MMP17: variants seen among roughly 807,000 people sequenced by gnomAD.
MMP17 encodes the protein matrix metallopeptidase 17.
MMP17 carries 54 observed loss-of-function variants against 49.1 expected under a neutral mutation model. The ratio of observed to expected loss-of-function variants is 1.10; its 90% CI spans 0.88 to 1.38. MMP17 has a LOEUF of 1.38. Ranked by LOEUF, MMP17 falls within the 40% of genes most tolerant of loss-of-function variation. The probability of loss-of-function intolerance (pLI) is 0.00; values close to 1 mark genes in which losing one functional copy is unlikely to be tolerated. For synonymous variants in MMP17, 397 were observed against 383.1 expected (o/e 1.04, Z -0.42); for missense variants, 837 against 853.7 (o/e 0.98, Z 0.24).
chr12:131,848,551 C>T (rs886165158), intron 8 of MMP17, among the ~76,000 whole-genome samples: 68 of 152,366 alleles, frequency 4.5e-4, no homozygotes, highest in Admixed American at 4.3e-3. Context: ...AACGCTGCCC[C>T]GTGAAACACG....
At position 131,840,460 on chromosome 12, in the gene MMP17, G is replaced by A. The variant is rs2136324065; in HGVS notation, c.423-113G>A. 7 of 1,138,716 alleles carry A rather than the reference G, an allele frequency of 6.1e-6. No homozygotes were observed. The South Asian group carries it at 7.7e-5, about 12-fold the overall frequency. 70.5% of individuals were successfully genotyped at this position (1,138,716 alleles called of 1,614,324 possible). ...GGCGTGGGGAGGAAGGCGGAAGATG[G>A]GGGAGACCCTCATAGGGGCACCCCC... On this transcript the variant is annotated intron_variant, in intron 3 of 9. Coordinates refer to ENST00000360564, the MANE Select transcript of MMP17 (RefSeq NM_016155.7).
chr12:131,844,948 G>C, intron 6 of MMP17, 170 bp from the exon 7 acceptor site: 1 of 428,660 alleles, frequency 2.3e-6, no homozygotes, highest in South Asian at 8.2e-5. Flanking sequence ...CTGAAGCGGT[G>C]GACAGGCACC....
intron 1 of MMP17, among the ~76,000 whole-genome samples, chr12:131,836,909 C>A (rs1328453078): frequency 2.0e-5 from 3 of 152,152 alleles, no homozygotes; most frequent in African/African-American, 4.8e-5. Context: ...CCAGGCCTGC[C>A]ATCCCCAGGT....
chr12:131,837,005 G>A (rs11611807), intron 1 of MMP17, among the ~76,000 whole-genome samples: 25,802 of 152,164 alleles, frequency 0.17, 2,720 homozygotes, highest in African/African-American at 0.3. Context: ...GATGACTGGG[G>A]CATGGGGCCA....
chr12:131,850,849 C>T (rs1347034459), intron 9 of MMP17, 76 bp from the exon 10 acceptor site: 1 of 1,188,550 alleles, frequency 8.4e-7, no homozygotes, highest in Non-Finnish European at 1.1e-6. Flanking sequence ...GAGCCCAACG[C>T]TCCCTCCTCG....
intron 1 of MMP17, among the ~76,000 whole-genome samples, chr12:131,837,660 G>A (rs1208711002): frequency 6.6e-6 from 1 of 152,254 alleles, no homozygotes; most frequent in Non-Finnish European, 1.5e-5. Flanking sequence ...ATGAGTGGTT[G>A]TACAGGTCGT....
At chr12:131,847,278 T>TG (rs1887757447) in intron 8 of MMP17, among the ~76,000 whole-genome samples, 1 of 151,706 alleles carries the variant, frequency 6.6e-6, no homozygotes, top group Admixed American at 6.6e-5. Flanking sequence ...CCGGGCGTGG[T>TG]GGCGGGCACC....
At chr12:131,850,876 C>G in intron 9 of MMP17, 49 bp from the exon 10 acceptor site, 3 of 1,381,390 alleles carry the variant, frequency 2.2e-6, no homozygotes, top group Non-Finnish European at 2.9e-6. Flanking sequence ...GGCTCGAGCC[C>G]CTCCTGCTGC....
intron 1 of MMP17, among the ~76,000 whole-genome samples, chr12:131,836,536 T>A (rs1412540187): frequency 6.6e-6 from 1 of 151,898 alleles, no homozygotes; most frequent in Non-Finnish European, 1.5e-5. Flanking sequence ...TGCATTTTTT[T>A]AGGTTAAGCC....
intron 1 of MMP17, among the ~76,000 whole-genome samples, chr12:131,834,858 G>C (rs1361018437): frequency 1.3e-5 from 2 of 152,138 alleles, no homozygotes; most frequent in African/African-American, 4.8e-5. Flanking sequence ...GAGCTGCCTG[G>C]TGAGCTGCCT....
chr12:131,831,173 G>C (rs1886775195), intron 1 of MMP17, among the ~76,000 whole-genome samples: 1 of 152,236 alleles, frequency 6.6e-6, no homozygotes, highest in Non-Finnish European at 1.5e-5. Context: ...GAACTTCCCG[G>C]ACTCGCGGCG....
chr12:131,849,002 G>A (rs1173111669), intron 8 of MMP17, among the ~76,000 whole-genome samples: 2 of 152,182 alleles, frequency 1.3e-5, no homozygotes, highest in Admixed American at 6.5e-5. Context: ...CTCCCGCAGC[G>A]GCTGCACAAT....
Position 131,838,721 on chromosome 12 carries a change from CAA to C in MMP17, c.403_404del (p.Lys135GlufsTer60). 32 of 1,590,042 alleles carry C rather than the reference CAA, an allele frequency of 2.0e-5. No homozygotes were observed. The highest frequency in any genetic ancestry group is 2.7e-5 in the Non-Finnish European group (32 of 1,169,258). ...AGGCTCCAGCCCCCACCAAGTGGAA[CAA>C]GAGGAACCTGTCGTGGAGGTGGGTG... ...RQAPAPTKWN[K>X]RNLSWRVRTF... On this transcript the variant is annotated frameshift_variant, in exon 3 of 10. Transcript: ENST00000360564.
chr12:131,851,177 G>C lies in MMP17; in HGVS notation c.1715G>C (p.Gly572Ala), dbSNP rs1887956125. ...ACCTCTGGGGCATCCTCTCCCCCGGGGGCCCCAGGCCCACTGGTGGCTGCC... is the reference window on the plus strand; with the variant it reads ...ACCTCTGGGGCATCCTCTCCCCCGGCGGCCCCAGGCCCACTGGTGGCTGCC... Reference protein sequence around the residue: ...SCTSGASSPPGAPGPLVAATM... With the variant: ...SCTSGASSPPAAPGPLVAATM... The change falls in exon 10 of 10, where the codon GGG (glycine) becomes GCG (alanine). Residue 572 changes from glycine (G) to alanine (A), a missense_variant. Coordinates refer to ENST00000360564, the MANE Select transcript of MMP17 (RefSeq NM_016155.7). The C allele has an allele frequency of 4.7e-6, 7 of 1,482,284 alleles. No individual in the cohort carries two copies. Among genetic ancestry groups the C allele is most frequent in the Admixed American group, 2.4e-5 (1 of 41,004 alleles). The allele number at this position is 1,482,284 out of a possible 1,614,324, so 91.8% of individuals were successfully genotyped here. A position where few individuals can be genotyped will look rare whatever the true frequency, so the allele number is the denominator to read the frequency against.
intron 8 of MMP17, among the ~76,000 whole-genome samples, chr12:131,847,138 C>T (rs1350159325): frequency 4.0e-5 from 6 of 150,554 alleles, no homozygotes; most frequent in Admixed American, 3.3e-4. Context: ...AAATGTCACG[C>T]GCAGTGGCTC....
Position 131,838,594 on chromosome 12 carries a change from T to G in MMP17, c.293-18T>G, listed in dbSNP as rs756448757. ...GAGTGAGCTGGGCTAGGCTCTGAGCTCCATGCTTTCCCTGCAGACGAGGCC... is the reference window on the plus strand; with the variant it reads ...GAGTGAGCTGGGCTAGGCTCTGAGCGCCATGCTTTCCCTGCAGACGAGGCC... On this transcript the variant is annotated intron_variant, in intron 2 of 9. Transcript: ENST00000360564. The G allele has an allele frequency of 4.6e-5, 74 of 1,605,504 alleles. No homozygotes were observed. Among genetic ancestry groups the G allele is most frequent in the Non-Finnish European group, 5.7e-5 (67 of 1,176,254 alleles).
intron 6 of MMP17, chr12:131,844,504 G>T: frequency 3.8e-6 from 1 of 266,198 alleles, no homozygotes; most frequent in Non-Finnish European, 7.2e-6. Context: ...ACGGCCACTG[G>T]GGCTGCTCCA....
In MMP17 at chr12:131,851,491, G is replaced by A. The variant is rs1047077711; in HGVS notation, c.*217G>A. On this transcript the variant is annotated 3_prime_UTR_variant, in exon 10 of 10. Coordinates refer to ENST00000360564, the MANE Select transcript of MMP17 (RefSeq NM_016155.7). ...CTAGTGAGGGACTGTGTTGACTGAC[G>A]AGCCGAGGGGTGGCCGCTCCAGAAG... The A allele has an allele frequency of 1.3e-4, 53 of 416,238 alleles. No homozygotes were observed. In the Middle Eastern group the frequency reaches 3.0e-3, roughly 23 times the overall value. The allele number at this position is 416,238 out of a possible 1,614,324, so 25.8% of individuals were successfully genotyped here. A position where few individuals can be genotyped will look rare whatever the true frequency, so the allele number is the denominator to read the frequency against.
chr12:131,830,551 CA>C (rs1297740672), intron 1 of MMP17, among the ~76,000 whole-genome samples: 3 of 152,244 alleles, frequency 2.0e-5, no homozygotes, highest in Non-Finnish European at 4.4e-5. Context: ...AGCTCAGGCC[CA>C]GGGGCGGGCG....
Sources: allele counts gnomAD v4.1 joint callset (sites outside exome capture counted in the v4.1 genomes callset), GRCh38; gene constraint gnomAD v4.1.1; transcripts MANE v1.5; gene names NCBI Gene and HGNC (gene_info 2026-07-23, HGNC 2026-07-21).